Variants in AAMDC observed in about 807,000 individuals in gnomAD.
AAMDC encodes mth938 domain-containing protein.
In AAMDC, 16 loss-of-function variants were observed where a neutral mutation model predicts 15.5. The observed-to-expected ratio is 1.03, with a 90% CI of 0.70 to 1.57. The LOEUF is 1.57. Among genes scored for constraint, AAMDC ranks in the 40% most tolerant of loss-of-function variants. The pLI is 0.00. For synonymous variants in AAMDC, 51 were observed against 51.6 expected, an observed-to-expected ratio of 0.99 and a Z score of 0.05; for missense variants, 141 against 144.9, an observed-to-expected ratio of 0.97 and a Z score of 0.14.
At chr11:77,878,991 C>T (rs779979726) in intron 5 of AAMDC, 2 of 1,613,964 alleles carry the variant, frequency 1.2e-6, no homozygotes, top group East Asian at 2.2e-5. Flanking sequence ...CTTTTACAGG[C>T]TTGCTGAAGG....
intron 2 of AAMDC, chr11:77,869,181 C>A: frequency 8.6e-6 from 2 of 233,212 alleles, no homozygotes; most frequent in East Asian, 1.0e-4. Flanking sequence ...TCCTCTTTCC[C>A]TTTGTATTTG....
chr11:77,852,239 A>AAAAAAAAAAAAAAAAAAT (rs1565205847), intron 2 of AAMDC, among the ~76,000 whole-genome samples: 1 of 133,828 alleles, frequency 7.5e-6, no homozygotes, highest in African/African-American at 2.8e-5. Context: ...AAAAAAAAAA[A>AAAAAAAAAAAAAAAAAAT]AAGAAGAAGA....
intron 1 of AAMDC, among the ~76,000 whole-genome samples, chr11:77,842,116 G>A (rs971008927): frequency 2.6e-5 from 4 of 152,150 alleles, no homozygotes; most frequent in African/African-American, 7.2e-5. Flanking sequence ...TTTCTAGAGT[G>A]ACAAATTTTT....
chr11:77,844,961 A>G (rs1950080804), intron 2 of AAMDC, among the ~76,000 whole-genome samples: 1 of 152,116 alleles, frequency 6.6e-6, no homozygotes, highest in Non-Finnish European at 1.5e-5. Flanking sequence ...ATTGGTTTCT[A>G]ATGATAAATC....
chr11:77,840,080 T>C (rs1432580528), intron 1 of AAMDC, among the ~76,000 whole-genome samples: 1 of 131,640 alleles, frequency 7.6e-6, no homozygotes, highest in East Asian at 2.2e-4. Context: ...TATTAGAGTA[T>C]GGAGAGGGGG....
chr11:77,896,577 G>A (rs756740831), intron 5 of AAMDC, among the ~76,000 whole-genome samples: 10 of 151,716 alleles, frequency 6.6e-5, no homozygotes, highest in South Asian at 4.2e-4. Context: ...TCTTGAACCC[G>A]GGAGGTGGAG....
intron 5 of AAMDC, among the ~76,000 whole-genome samples, chr11:77,881,681 A>G (rs1487189589): frequency 6.6e-6 from 1 of 152,242 alleles, no homozygotes; most frequent in Non-Finnish European, 1.5e-5. Context: ...ACTACATGTC[A>G]GGCACTAGAG....
At chr11:77,823,868 T>C (rs1285843010) in intron 1 of AAMDC, among the ~76,000 whole-genome samples, 1 of 152,090 alleles carries the variant, frequency 6.6e-6, no homozygotes, top group Admixed American at 6.5e-5. Flanking sequence ...TTCTAGCTTT[T>C]GCAGCACTTC....
chr11:77,857,508 T>C (rs1354797717), intron 2 of AAMDC, among the ~76,000 whole-genome samples: 2 of 152,182 alleles, frequency 1.3e-5, no homozygotes, highest in Non-Finnish European at 2.9e-5. Context: ...ATATAATTGG[T>C]TGAGGCTAGA....
intron 2 of AAMDC, among the ~76,000 whole-genome samples, chr11:77,861,022 T>C (rs1950854599): frequency 6.6e-6 from 1 of 152,188 alleles, no homozygotes; most frequent in African/African-American, 2.4e-5. Flanking sequence ...GAGTCCTTGT[T>C]GGGCCTTGGG....
At chr11:77,862,945 G>C (rs558235457) in intron 2 of AAMDC, among the ~76,000 whole-genome samples, 1 of 152,096 alleles carries the variant, frequency 6.6e-6, no homozygotes. Flanking sequence ...TGGGGGGAAC[G>C]TTTCCCATTA....
intron 5 of AAMDC, chr11:77,883,701 T>A: frequency 1.0e-6 from 1 of 982,712 alleles, no homozygotes; most frequent in Non-Finnish European, 1.5e-6. Context: ...GCTTATAAAC[T>A]CATTAAGTTC....
At chr11:77,830,102 T>C (rs1011428125) in intron 1 of AAMDC, 3 of 152,120 alleles carry the variant, frequency 2.0e-5, no homozygotes, top group Non-Finnish European at 2.9e-5. Context: ...GCACTCCAGC[T>C]TAGGCAACAG....
chr11:77,869,239 T>G (rs2136301095), intron 2 of AAMDC: 1 of 187,614 alleles, frequency 5.3e-6, no homozygotes, highest in Admixed American at 5.7e-5. Context: ...CAAAAGGTCC[T>G]GAGCCTTTTA....
intron 1 of AAMDC, among the ~76,000 whole-genome samples, chr11:77,832,989 G>A (rs866413813): frequency 0.012 from 348 of 29,126 alleles, 34 homozygotes; most frequent in African/African-American, 0.081. Context: ...GTGTGTGTGT[G>A]TGTGTGTGTA....
chr11:77,871,661 A>G (rs146476040), intron 3 of AAMDC, among the ~76,000 whole-genome samples: 33 of 152,340 alleles, frequency 2.2e-4, no homozygotes, highest in African/African-American at 7.2e-4. Flanking sequence ...TGGGGCTGGG[A>G]GACTTTAAAG....
downstream of AAMDC, among the ~76,000 whole-genome samples, chr11:77,902,394 G>A (rs906140271): frequency 1.3e-5 from 2 of 152,020 alleles, no homozygotes; most frequent in Admixed American, 1.3e-4. Context: ...CAATTATCGG[G>A]TTCTAGTCAT....
chr11:77,854,567 C>T (rs1269283342), intron 2 of AAMDC, among the ~76,000 whole-genome samples: 1 of 152,208 alleles, frequency 6.6e-6, no homozygotes, highest in Non-Finnish European at 1.5e-5. Flanking sequence ...CCTTTGGCTC[C>T]ATGTCTCACA....
At chr11:77,831,862 ATTTTTTTTT>A (rs767406733) in intron 1 of AAMDC, 4 of 80,840 alleles carry the variant, frequency 4.9e-5, no homozygotes, top group African/African-American at 1.8e-4. Context: ...TGCCTGGCTA[ATTTTTTTTT>A]TTTTTTTTTT....
Sources: gnomAD v4.1 joint callset for allele counts (sites outside exome capture counted in the v4.1 genomes callset) on GRCh38, gnomAD v4.1.1 for gene constraint, MANE v1.5 for transcripts, NCBI Gene and HGNC (gene_info 2026-07-23, HGNC 2026-07-21) for gene names.